The following USP46 variants were observed in gnomAD, a reference collection of about 807,000 sequenced individuals.
USP46 encodes the protein ubiquitin specific peptidase 46, also known as ubiquitin carboxyl-terminal hydrolase 46.
A neutral mutation model predicts 44.4 loss-of-function variants in USP46; 12 were observed. That is an observed-to-expected ratio of 0.27 (90% CI 0.17 to 0.44). USP46 has a LOEUF of 0.44. Ranked by LOEUF, USP46 falls within the 20% of genes least tolerant of loss-of-function variation. The pLI, the probability that USP46 is intolerant of heterozygous loss-of-function variation, is 1.00. For missense variants in USP46, 248 were observed against 444.8 expected (o/e 0.56, Z 3.98); for synonymous variants, 155 against 161.5 (o/e 0.96, Z 0.31).
chr4:52,652,892 A>G (rs1271521293), intron 1 of USP46, among the ~76,000 whole-genome samples: 1 of 152,186 alleles, frequency 6.6e-6, no homozygotes, highest in Non-Finnish European at 1.5e-5. Context: ...CTGTATGTCT[A>G]AAATTCACCA....
chr4:52,604,306 A>T (rs552506572), intron 6 of USP46, among the ~76,000 whole-genome samples, 195 bp downstream of exon 6: 2 of 152,336 alleles, frequency 1.3e-5, no homozygotes, highest in East Asian at 3.9e-4. Flanking sequence ...TCGGACAGAC[A>T]ACTCTCCAAG....
At chr4:52,607,440 T>C (rs1168841189) in intron 5 of USP46, among the ~76,000 whole-genome samples, 1 of 152,206 alleles carries the variant, frequency 6.6e-6, no homozygotes, top group African/African-American at 2.4e-5. Flanking sequence ...ACACTTGGGA[T>C]AAATTACCAA....
intron 1 of USP46, among the ~76,000 whole-genome samples, chr4:52,648,434 T>C (rs1241819775): frequency 1.3e-5 from 2 of 152,208 alleles, no homozygotes; most frequent in Non-Finnish European, 2.9e-5. Flanking sequence ...AAACCCATCA[T>C]TTTGCAGATG....
At chr4:52,607,512 G>A (rs866984905) in intron 5 of USP46, among the ~76,000 whole-genome samples, 4 of 152,212 alleles carry the variant, frequency 2.6e-5, no homozygotes, top group South Asian at 2.1e-4. Flanking sequence ...AAAAGAGGCA[G>A]AGCAGCAATA....
chr4:52,635,803 C>T (rs937186555), intron 1 of USP46, among the ~76,000 whole-genome samples: 3 of 152,154 alleles, frequency 2.0e-5, no homozygotes, highest in African/African-American at 7.2e-5. Context: ...TCTTAAACAA[C>T]TGTTTATTCT....
At position 52,633,007 on chromosome 4, in the gene USP46, AAAG is replaced by A. The variant is rs756672365; in HGVS notation, c.37-1866_37-1864del. Among the ~76,000 whole-genome samples the A allele has an allele frequency of 4.1e-3, 520 of 125,376 alleles. 18 individuals are homozygous for A. Among genetic ancestry groups the A allele is most frequent in the African/African-American group, 7.1e-3 (221 of 31,080 alleles). The allele number at this position is 125,376 out of a possible 152,430, so 82.3% of individuals were successfully genotyped here. Reference sequence around the variant, plus strand: ...AAGAAAAGAAAAGAAAGAAAGAAAGAAAGAAAGAAAGAAAGAAAGAAAAAGAAA... The same window carrying A: ...AAGAAAAGAAAAGAAAGAAAGAAAGAAAAGAAAGAAAGAAAGAAAAAGAAA... On this transcript the variant is annotated intron_variant, in intron 1 of 8. Coordinates refer to ENST00000441222, the MANE Select transcript of USP46 (RefSeq NM_022832.4).
intron 4 of USP46, among the ~76,000 whole-genome samples, chr4:52,611,933 T>C (rs796741085): frequency 1.9e-4 from 29 of 152,108 alleles, no homozygotes; most frequent in African/African-American, 6.0e-4. Context: ...GACACAAGAA[T>C]GGTTATTGCC....
At chr4:52,622,455 T>C (rs545597731) in intron 4 of USP46, among the ~76,000 whole-genome samples, 17 of 152,324 alleles carry the variant, frequency 1.1e-4, no homozygotes, top group African/African-American at 3.6e-4. Context: ...TCTTTTCCCA[T>C]AGCATATAGT....
chr4:52,614,277 T>C (rs1161907012), intron 4 of USP46, among the ~76,000 whole-genome samples: 1 of 152,102 alleles, frequency 6.6e-6, no homozygotes, highest in South Asian at 2.1e-4. Flanking sequence ...AAACGCTGAG[T>C]ATTTCCCAAA....
At chr4:52,648,165 G>T (rs1718625631) in intron 1 of USP46, among the ~76,000 whole-genome samples, 1 of 152,144 alleles carries the variant, frequency 6.6e-6, no homozygotes. Context: ...CCATATCTCA[G>T]CCATGTGCTC....
rs372763780 is a variant in USP46 at position 52,597,316 on chromosome 4, C to G, written c.*324G>C. ...AGTTTAGCAAACACCTAAAACAGAC[C>G]GTAGACATTCATAGGAAATGTCATT... is the stretch of plus-strand genomic sequence containing the variant. On this transcript the variant is annotated 3_prime_UTR_variant, in exon 9 of 9. Transcript: ENST00000441222. The G allele has an allele frequency of 4.0e-6, 1 of 249,292 alleles. No individual in the cohort carries two copies. The highest frequency in any genetic ancestry group is 2.3e-5 in the African/African-American group (1 of 42,838). The allele number at this position is 249,292 out of a possible 1,614,324, so 15.4% of individuals were successfully genotyped here. A position where few individuals can be genotyped will look rare whatever the true frequency, so the allele number is the denominator to read the frequency against.
intron 2 of USP46, among the ~76,000 whole-genome samples, chr4:52,629,047 GA>G (rs1381946671): frequency 2.0e-5 from 3 of 152,038 alleles, no homozygotes; most frequent in African/African-American, 4.8e-5. Flanking sequence ...AAAATTTAAA[GA>G]AAAAAATTCT....
intron 4 of USP46, among the ~76,000 whole-genome samples, chr4:52,611,471 T>C (rs1716932282): frequency 6.6e-6 from 1 of 152,244 alleles, no homozygotes; most frequent in Non-Finnish European, 1.5e-5. Flanking sequence ...TGCTCAGTCA[T>C]TTAGCAGCAA....
chr4:52,632,833 A>T (rs1717886379), intron 1 of USP46, among the ~76,000 whole-genome samples: 1 of 150,356 alleles, frequency 6.7e-6, no homozygotes, highest in African/African-American at 2.5e-5. Flanking sequence ...AACAGAACAG[A>T]ACAGAAAAAA....
At chr4:52,651,477 T>C (rs1560414378) in intron 1 of USP46, among the ~76,000 whole-genome samples, 1 of 152,170 alleles carries the variant, frequency 6.6e-6, no homozygotes, top group African/African-American at 2.4e-5. Context: ...CATTTCTTTG[T>C]TTAATGAGGT....
intron 1 of USP46, among the ~76,000 whole-genome samples, chr4:52,643,724 T>C (rs1425974242): frequency 6.6e-6 from 1 of 152,142 alleles, no homozygotes; most frequent in Non-Finnish European, 1.5e-5. Flanking sequence ...GAACTTCACA[T>C]CTACATATTC....
rs1439490508 is a variant in USP46, at chr4:52,604,550, G to A, written c.673C>T (p.Gln225Ter). ...CAGCATGTTTCACAATAATATTTTT[G>A]TTCACTACACAGTGTTTCTGTGTTG... is the stretch of plus-strand genomic sequence containing the variant. ...FSNTETLCSE[Q>*]KYYCETCCSK... The change falls in exon 6 of 9, where the codon CAA becomes TAA. Residue 225 changes from glutamine to a stop codon, truncating the protein, a stop_gained. Coordinates refer to ENST00000441222, the MANE Select transcript of USP46 (RefSeq NM_022832.4). LOFTEE classifies it high-confidence loss of function. 1 of 1,609,812 alleles carries A rather than the reference G, an allele frequency of 6.2e-7. No individual in the cohort carries two copies. The highest frequency in any genetic ancestry group is 8.5e-7 in the Non-Finnish European group (1 of 1,178,548).
At chr4:52,605,426 C>G (rs1674076756) in intron 5 of USP46, among the ~76,000 whole-genome samples, 2 of 152,198 alleles carry the variant, frequency 1.3e-5, no homozygotes, top group Admixed American at 6.5e-5. Flanking sequence ...AACATCTGGA[C>G]TAATACCCTA....
chr4:52,632,990 A>AAGGAAAGAAAAGAAAAG, intron 1 of USP46, among the ~76,000 whole-genome samples: 1 of 66,346 alleles, frequency 1.5e-5, no homozygotes, highest in Middle Eastern at 8.3e-3. Flanking sequence ...GAAAGAAAAG[A>AAGGAAAGAAAAGAAAAG]AAAGAAAGAA....
Sources: allele counts gnomAD v4.1 joint callset (sites outside exome capture counted in the v4.1 genomes callset), GRCh38; gene constraint gnomAD v4.1.1; transcripts MANE v1.5; gene names NCBI Gene and HGNC (gene_info 2026-07-23, HGNC 2026-07-21).